The following TLN2 variants were observed in gnomAD, a reference collection of about 807,000 sequenced individuals.
The protein encoded by TLN2 is talin 2.
In TLN2, 118 loss-of-function variants were observed where a neutral mutation model predicts 294.7. That is an observed-to-expected ratio of 0.40 (90% CI 0.34 to 0.47). The LOEUF is 0.47. TLN2 is among the 20% of genes least tolerant of loss of function. TLN2 has a pLI of 0.84. For missense variants in TLN2, 3,083 were observed against 3,282.2 expected (o/e 0.94, Z 1.48); for synonymous variants, 1,431 against 1,304.5 (o/e 1.10, Z -2.09).
intron 1 of TLN2, among the ~76,000 whole-genome samples, chr15:62,537,858 T>C (rs2041450819): frequency 6.6e-6 from 1 of 152,182 alleles, no homozygotes; most frequent in South Asian, 2.1e-4. Flanking sequence ...TTGATAGTGT[T>C]GAGGAGGCTC....
chr15:62,676,218 A>G (rs961812430), intron 11 of TLN2, among the ~76,000 whole-genome samples: 1 of 152,058 alleles, frequency 6.6e-6, no homozygotes, highest in Non-Finnish European at 1.5e-5. Flanking sequence ...GTTTTTCTTG[A>G]CCCCACTCCT....
chr15:62,466,239 C>T (rs1376562501), intron 1 of TLN2, among the ~76,000 whole-genome samples: 2 of 152,166 alleles, frequency 1.3e-5, no homozygotes, highest in Non-Finnish European at 2.9e-5. Flanking sequence ...GAACCAGAGA[C>T]CCAGGAAGGT....
chr15:62,658,359 G>A (rs556270177), intron 9 of TLN2, among the ~76,000 whole-genome samples: 28 of 152,252 alleles, frequency 1.8e-4, no homozygotes, highest in African/African-American at 6.5e-4. Flanking sequence ...AGAGGATAAC[G>A]GAGAGGCTTC....
chr15:62,642,656 CCTA>C (rs1169822874), intron 3 of TLN2, among the ~76,000 whole-genome samples: 2 of 151,956 alleles, frequency 1.3e-5, no homozygotes, highest in African/African-American at 2.4e-5. Flanking sequence ...ATGTTCTAAT[CCTA>C]CTTTCTTTTT....
chr15:62,764,476 C>T (rs1028043918), intron 40 of TLN2, among the ~76,000 whole-genome samples: 3 of 152,138 alleles, frequency 2.0e-5, no homozygotes, highest in Non-Finnish European at 2.9e-5. Context: ...CTGTCTATTT[C>T]GCTCCACCTT....
At chr15:62,573,871 A>C (rs2044149179) in intron 1 of TLN2, among the ~76,000 whole-genome samples, 1 of 151,256 alleles carries the variant, frequency 6.6e-6, no homozygotes, top group Admixed American at 6.6e-5. Context: ...ACAGTGGCTT[A>C]GTGGGGAAAT....
chr15:62,705,255 G>T (rs760156601), intron 19 of TLN2, among the ~76,000 whole-genome samples: 8 of 152,174 alleles, frequency 5.3e-5, no homozygotes, highest in Non-Finnish European at 7.3e-5. Flanking sequence ...AAAGACCAGG[G>T]CAGTAAGGTG....
chr15:62,816,968 A>C (rs903930972), intron 52 of TLN2, among the ~76,000 whole-genome samples: 2 of 152,184 alleles, frequency 1.3e-5, no homozygotes, highest in Admixed American at 6.5e-5. Flanking sequence ...GAACTTAAAA[A>C]ATTCTTATGC....
chr15:62,421,709 A>G (rs1365916672), intron 1 of TLN2, among the ~76,000 whole-genome samples: 1 of 152,098 alleles, frequency 6.6e-6, no homozygotes, highest in Non-Finnish European at 1.5e-5. Context: ...GGATCAGAGA[A>G]AATAACCCAG....
At chr15:62,470,852 G>T (rs1184920900) in intron 1 of TLN2, among the ~76,000 whole-genome samples, 1 of 152,326 alleles carries the variant, frequency 6.6e-6, no homozygotes, top group Admixed American at 6.5e-5. Flanking sequence ...AGACAAAAAG[G>T]CTATCGAGGC....
chr15:62,690,892 C>T (rs997071155), intron 12 of TLN2, among the ~76,000 whole-genome samples: 1 of 151,698 alleles, frequency 6.6e-6, no homozygotes, highest in Non-Finnish European at 1.5e-5. Flanking sequence ...TGCGCGCCTG[C>T]AATCGCAGGC....
intron 21 of TLN2, among the ~76,000 whole-genome samples, chr15:62,709,720 T>TTTTC (rs1555483296): frequency 1.3e-5 from 2 of 148,548 alleles, no homozygotes; most frequent in African/African-American, 5.1e-5. Flanking sequence ...TTAAAGACTT[T>TTTTC]TTTTTTCTTT....
At chr15:62,422,299 G>A (rs1458019422) in intron 1 of TLN2, among the ~76,000 whole-genome samples, 1 of 149,348 alleles carries the variant, frequency 6.7e-6, no homozygotes, top group Non-Finnish European at 1.5e-5. Context: ...ACCCTCATCA[G>A]AGGTGAATCA....
chr15:62,713,155 C>A (rs1290334487), intron 22 of TLN2, among the ~76,000 whole-genome samples: 1 of 151,034 alleles, frequency 6.6e-6, no homozygotes, highest in Non-Finnish European at 1.5e-5. Context: ...TGTAATTCCA[C>A]CTACTCGGGA....
chr15:62,447,356 T>G (rs1399924956), intron 1 of TLN2, among the ~76,000 whole-genome samples: 3 of 151,980 alleles, frequency 2.0e-5, no homozygotes. Flanking sequence ...TGGGAGAGGC[T>G]GGGAGGAGCA....
At chr15:62,547,376 A>AAC (rs1025389135) in intron 1 of TLN2, among the ~76,000 whole-genome samples, 7 of 152,034 alleles carry the variant, frequency 4.6e-5, no homozygotes, top group African/African-American at 1.2e-4. Context: ...CTCGTATGTG[A>AAC]ACACACACAC....
intron 3 of TLN2, among the ~76,000 whole-genome samples, chr15:62,646,764 G>C (rs1775519155): frequency 6.6e-6 from 1 of 152,176 alleles, no homozygotes; most frequent in South Asian, 2.1e-4. Context: ...GATGGAGCTG[G>C]GCCCAGAATC....
intron 32 of TLN2, among the ~76,000 whole-genome samples, 186 bp downstream of exon 32, chr15:62,740,955 T>C (rs1431044335): frequency 6.6e-6 from 1 of 152,232 alleles, no homozygotes; most frequent in African/African-American, 2.4e-5. Flanking sequence ...TCCATGTTCT[T>C]TCCCCACTAA....
chr15:62,773,957 C>G (rs2063520752), intron 42 of TLN2, among the ~76,000 whole-genome samples: 1 of 152,172 alleles, frequency 6.6e-6, no homozygotes, highest in Non-Finnish European at 1.5e-5. Flanking sequence ...CTCTCCCTCA[C>G]TCCATTGAGC....
Sources: gnomAD v4.1 joint callset for allele counts (sites outside exome capture counted in the v4.1 genomes callset) on GRCh38, gnomAD v4.1.1 for gene constraint, MANE v1.5 for transcripts, NCBI Gene and HGNC (gene_info 2026-07-23, HGNC 2026-07-21) for gene names.